SUPT4H1: variants seen among roughly 807,000 people sequenced by gnomAD.
SUPT4H1 encodes the protein SPT4 homolog, DSIF elongation factor subunit.
In SUPT4H1, 12 loss-of-function variants were observed where a neutral mutation model predicts 19.4. The observed-to-expected ratio is 0.62, with a 90% CI of 0.40 to 1.00. SUPT4H1 has a LOEUF of 1.00. Among genes scored for constraint, SUPT4H1 ranks in the 50% least tolerant of loss-of-function variants. SUPT4H1 has a pLI of 0.00. For missense variants in SUPT4H1, 115 were observed against 149.2 expected, an observed-to-expected ratio of 0.77 and a Z score of 1.19; for synonymous variants, 58 against 56.3, an observed-to-expected ratio of 1.03 and a Z score of -0.14.
At chr17:58,350,054 G>A (rs189467958) in intron 2 of SUPT4H1, among the ~76,000 whole-genome samples, 4 of 152,288 alleles carry the variant, frequency 2.6e-5, no homozygotes, top group Non-Finnish European at 4.4e-5. Flanking sequence ...AGGCTGAGAC[G>A]GGAGGATCAC....
intron 4 of SUPT4H1, among the ~76,000 whole-genome samples, chr17:58,346,788 G>A (rs915236550): frequency 5.3e-5 from 8 of 150,510 alleles, no homozygotes; most frequent in South Asian, 2.1e-4. Flanking sequence ...GCAGGTATTC[G>A]GTAAGAATGA....
At chr17:58,348,926 C>T (rs1972390155) in intron 2 of SUPT4H1, among the ~76,000 whole-genome samples, 1 of 152,166 alleles carries the variant, frequency 6.6e-6, no homozygotes. Context: ...TGAGCAAAGG[C>T]CTTGAATAGG....
intron 2 of SUPT4H1, among the ~76,000 whole-genome samples, 195 bp downstream of exon 2, chr17:58,351,207 A>G: frequency 6.8e-6 from 1 of 147,238 alleles, no homozygotes; most frequent in African/African-American, 2.5e-5. Flanking sequence ...AGCTATGATC[A>G]TGCCACTGCA....
At chr17:58,348,470 G>A (rs887741390) in intron 2 of SUPT4H1, among the ~76,000 whole-genome samples, 2 of 152,284 alleles carry the variant, frequency 1.3e-5, no homozygotes, top group Middle Eastern at 3.4e-3. Flanking sequence ...ACCTCCAGGG[G>A]TGACAAGCAG....
intron 2 of SUPT4H1, 123 bp from the exon 3 acceptor site, chr17:58,347,707 T>G (rs1972344304): frequency 1.1e-6 from 1 of 929,046 alleles, no homozygotes; most frequent in East Asian, 2.6e-5. Flanking sequence ...CAAAACTGCC[T>G]TCTGATGTTG....
At chr17:58,350,952 T>A (rs972483815) in intron 2 of SUPT4H1, among the ~76,000 whole-genome samples, 2 of 152,070 alleles carry the variant, frequency 1.3e-5, no homozygotes, top group African/African-American at 4.8e-5. Context: ...ATTATTAAGA[T>A]TACATTCTTT....
Position 58,351,405 on chromosome 17 carries a change from T to C in SUPT4H1, c.173A>G (p.Asp58Gly). Residue 58 changes from aspartate (D) to glycine (G), a missense_variant, in exon 2 of 5, where the codon GAT becomes GGT. By Grantham distance (94) the Asp-to-Gly change is moderately conservative. Transcript: ENST00000225504. ...GATGGAAACTGAAGCGGCTTACCCATCAAAGGAAGAGCTAGTGCAGTCATA... is the reference window on the plus strand; with the variant it reads ...GATGGAAACTGAAGCGGCTTACCCACCAAAGGAAGAGCTAGTGCAGTCATA... ...MVYDCTSSSFDGIIAMMSPED... is the reference protein window; with the variant it reads ...MVYDCTSSSFGGIIAMMSPED... 1 of 1,610,006 alleles carries C rather than the reference T, an allele frequency of 6.2e-7. No homozygotes were observed. The highest frequency in any genetic ancestry group is 8.5e-7 in the Non-Finnish European group (1 of 1,177,038).
intron 2 of SUPT4H1, among the ~76,000 whole-genome samples, chr17:58,347,849 T>C (rs959526858): frequency 6.6e-6 from 1 of 152,094 alleles, no homozygotes; most frequent in Non-Finnish European, 1.5e-5. Context: ...AGCCTAACAT[T>C]CCCTAGAAAA....
intron 2 of SUPT4H1, among the ~76,000 whole-genome samples, chr17:58,351,051 T>C (rs942448091): frequency 7.2e-5 from 11 of 152,004 alleles, no homozygotes; most frequent in African/African-American, 2.7e-4. Context: ...AAGTGCTCAG[T>C]AGCTACACGT....
rs564361742 is a variant in SUPT4H1 at position 58,351,976 on chromosome 17, C to G, written c.69+91G>C. The G allele has an allele frequency of 1.0e-4, 142 of 1,412,768 alleles. No individual in the cohort carries two copies. The African/African-American group carries it at 1.4e-3, about 14-fold the overall frequency. 87.5% of individuals were successfully genotyped at this position (1,412,768 alleles called of 1,614,324 possible). ...GCCACCTCTGAGTTCTGAGACTTAA[C>G]TTTTCTCTTTACTGTCCCACAGCCC... On this transcript the variant is annotated intron_variant, in intron 1 of 4. Transcript: ENST00000225504.
intron 2 of SUPT4H1, among the ~76,000 whole-genome samples, chr17:58,347,974 G>A (rs952091764): frequency 2.6e-5 from 4 of 152,184 alleles, no homozygotes; most frequent in Non-Finnish European, 5.9e-5. Flanking sequence ...CTACTAGAAA[G>A]GAGTTCAACT....
At position 58,347,592 on chromosome 17, in the gene SUPT4H1, G is replaced by C; in HGVS notation, c.177-8C>G. 6.2e-7 allele frequency: 1 copy of C among 1,614,126 alleles called. No individual in the cohort carries two copies. The highest frequency in any genetic ancestry group is 8.5e-7 in the Non-Finnish European group (1 of 1,179,976). On this transcript the variant is annotated splice_region_variant and splice_polypyrimidine_tract_variant and intron_variant, in intron 2 of 4. Transcript: ENST00000225504. ...CTCATCATCGCAATGATTCTAGGGA[G>C]GGAAAAGAAATGGAGAGTCAGCCTG...
chr17:58,350,932 T>C (rs1453290885), intron 2 of SUPT4H1, among the ~76,000 whole-genome samples: 1 of 151,928 alleles, frequency 6.6e-6, no homozygotes, highest in Non-Finnish European at 1.5e-5. Flanking sequence ...TTTTCATGCA[T>C]TTAACAAACA....
At chr17:58,349,072 T>C (rs775885378) in intron 2 of SUPT4H1, among the ~76,000 whole-genome samples, 19 of 152,106 alleles carry the variant, frequency 1.2e-4, no homozygotes, top group Non-Finnish European at 1.0e-4. Context: ...TTGGTGAGGA[T>C]GGGGAGAAAT....
intron 2 of SUPT4H1, among the ~76,000 whole-genome samples, chr17:58,350,562 A>G (rs2143324434): frequency 6.7e-6 from 1 of 150,212 alleles, no homozygotes; most frequent in Admixed American, 6.6e-5. Flanking sequence ...TGGGCCGGGC[A>G]TGGTGACTCA....
chr17:58,351,933 C>T, intron 1 of SUPT4H1, 134 bp downstream of exon 1: 1 of 901,588 alleles, frequency 1.1e-6, no homozygotes, highest in Non-Finnish European at 1.7e-6. Context: ...TGGCCTCCTT[C>T]GGCTTCTCAC....
At position 58,351,932 on chromosome 17, in the gene SUPT4H1, T is replaced by TC. The variant is rs1361734855; in HGVS notation, c.69+134dup. On this transcript the variant is annotated intron_variant, in intron 1 of 4. Coordinates refer to ENST00000225504, the MANE Select transcript of SUPT4H1 (RefSeq NM_003168.3). The stretch of plus-strand genomic sequence containing the variant: ...CCTACGAGGTAAACGATGGCCTCCT[T>TC]CGGCTTCTCACTCCCCCTGCCACCT... The TC allele has an allele frequency of 1.3e-5, 12 of 899,426 alleles. 1 individual carries two copies. The highest frequency in any genetic ancestry group is 1.2e-4 in the Admixed American group (5 of 43,108). 55.7% of individuals were successfully genotyped at this position (899,426 alleles called of 1,614,324 possible).
intron 2 of SUPT4H1, among the ~76,000 whole-genome samples, chr17:58,350,498 G>A (rs191134495): frequency 0.016 from 1,959 of 126,292 alleles, 27 homozygotes; most frequent in African/African-American, 0.055. Context: ...GCGACAGAGC[G>A]AGACTCCATC....
intron 1 of SUPT4H1, 157 bp from the exon 2 acceptor site, chr17:58,351,665 T>C: frequency 1.7e-6 from 1 of 601,300 alleles, no homozygotes. Flanking sequence ...CAAAGCTTCA[T>C]TCCTAAGTCC....
Sources: gnomAD v4.1 joint callset for allele counts (sites outside exome capture counted in the v4.1 genomes callset) on GRCh38, gnomAD v4.1.1 for gene constraint, MANE v1.5 for transcripts, NCBI Gene and HGNC (gene_info 2026-07-23, HGNC 2026-07-21) for gene names.